Variants in NSD3 observed in about 807,000 individuals in gnomAD.
NSD3 encodes nuclear receptor binding SET domain protein 3.
In NSD3, 24 loss-of-function variants were observed where a neutral mutation model predicts 160.8. The ratio of observed to expected loss-of-function variants is 0.15; its 90% CI spans 0.11 to 0.21. NSD3 has a LOEUF of 0.21. Among genes scored for constraint, NSD3 ranks in the 10% least tolerant of loss-of-function variants. The pLI, the probability that NSD3 is intolerant of heterozygous loss-of-function variation, is 1.00. For missense variants in NSD3, 1,157 were observed against 1,735.9 expected, an observed-to-expected ratio of 0.67 and a Z score of 5.93; for synonymous variants, 520 against 600.0, an observed-to-expected ratio of 0.87 and a Z score of 1.95.
Position 38,275,374 on chromosome 8 carries a change from T to A in NSD3, c.*267A>T. The A allele has an allele frequency of 2.7e-6, 1 of 363,902 alleles. No homozygotes were observed. Among genetic ancestry groups the A allele is most frequent in the Non-Finnish European group, 5.0e-6 (1 of 201,908 alleles). 22.5% of individuals were successfully genotyped at this position (363,902 alleles called of 1,614,324 possible). A position where few individuals can be genotyped will look rare whatever the true frequency, so the allele number is the denominator to read the frequency against. On this transcript the variant is annotated 3_prime_UTR_variant, in exon 24 of 24. Coordinates refer to ENST00000317025, the MANE Select transcript of NSD3 (RefSeq NM_023034.2). ...ATTTTAACAGCAAAAACATTTCTTT[T>A]TCAAGCTGCAATGGCACTGAAGCAC... is the stretch of plus-strand genomic sequence containing the variant.
intron 14 of NSD3, chr8:38,299,791 C>T (rs1415673397): frequency 2.5e-6 from 1 of 406,486 alleles, no homozygotes; most frequent in African/African-American, 2.1e-5. Flanking sequence ...AATTCCTTAT[C>T]CCTATATATT....
At chr8:38,353,819 TAGA>T (rs1810758119) in intron 1 of NSD3, among the ~76,000 whole-genome samples, 1 of 152,168 alleles carries the variant, frequency 6.6e-6, no homozygotes, top group Admixed American at 6.5e-5. Flanking sequence ...GGTAACCACA[TAGA>T]ACACTTCAAA....
intron 1 of NSD3, among the ~76,000 whole-genome samples, chr8:38,362,635 T>G (rs1326222461): frequency 6.6e-6 from 1 of 152,202 alleles, no homozygotes; most frequent in African/African-American, 2.4e-5. Flanking sequence ...CAAGAAACTT[T>G]AAACATTTAC....
At chr8:38,336,572 A>G (rs1411896464) in intron 4 of NSD3, among the ~76,000 whole-genome samples, 1 of 152,178 alleles carries the variant, frequency 6.6e-6, no homozygotes, top group East Asian at 1.9e-4. Flanking sequence ...CTGGGTAAAA[A>G]ATTACTATCC....
intron 2 of NSD3, among the ~76,000 whole-genome samples, chr8:38,346,547 TAGG>T (rs1810541380): frequency 6.6e-6 from 1 of 151,722 alleles, no homozygotes; most frequent in Non-Finnish European, 1.5e-5. Flanking sequence ...TAGCACACAG[TAGG>T]AGGAGCATTT....
rs1274642022 is a variant in NSD3 at position 38,272,758 on chromosome 8, A to C, written c.*2883T>G. 1 of 152,248 alleles carries C rather than the reference A, an allele frequency of 6.6e-6. No homozygotes were observed. Among genetic ancestry groups the C allele is most frequent in the Non-Finnish European group, 1.5e-5 (1 of 68,056 alleles). The allele number at this position is 152,248 out of a possible 1,614,324, so 9.4% of individuals were successfully genotyped here. The stretch of plus-strand genomic sequence containing the variant: ...CCACTTACACTCTGACCACATATAG[A>C]TTTAAAAGTTAACAAATACCAACTT... On this transcript the variant is annotated 3_prime_UTR_variant, in exon 24 of 24. Transcript: ENST00000317025.
rs1808915640 is a variant in NSD3, at chr8:38,288,387, A to T, written c.3501+100T>A. On this transcript the variant is annotated intron_variant, in intron 19 of 23. Transcript: ENST00000317025. This position sits in a 1 kb window ranked among gnomAD's most constrained non-coding sequence, Gnocchi z 4.5. ...ATGGAAAGTTTTAACATTTTACCAC[A>T]AATTCCTGCTGATTTTATCCCTAGA... The T allele has an allele frequency of 6.8e-7, 1 of 1,480,890 alleles. No homozygotes were observed. The highest frequency in any genetic ancestry group is 1.4e-5 in the African/African-American group (1 of 71,082). 91.7% of individuals were successfully genotyped at this position (1,480,890 alleles called of 1,614,324 possible).
chr8:38,291,378 G>C (rs1808993949), intron 16 of NSD3, among the ~76,000 whole-genome samples: 1 of 152,152 alleles, frequency 6.6e-6, no homozygotes, highest in Non-Finnish European at 1.5e-5. Flanking sequence ...GAATGATGAA[G>C]CTAACAGTCA....
At position 38,289,415 on chromosome 8, in the gene NSD3, G is replaced by C. The variant is rs1156448757; in HGVS notation, c.3209C>G (p.Pro1070Arg). The C allele has an allele frequency of 1.2e-6, 2 of 1,613,214 alleles. No homozygotes were observed. The highest frequency in any genetic ancestry group is 1.7e-6 in the Non-Finnish European group (2 of 1,179,750). ...TACTTTGATGTGTTTGTAGGGAGGG[G>C]GTTTTCTTGAGTTTTTTTCAATCTC... is the stretch of plus-strand genomic sequence containing the variant. Reference protein sequence around the residue: ...ALEIEKNSRKPPPYKHIKANK... With the variant: ...ALEIEKNSRKRPPYKHIKANK... The change falls in exon 18 of 24, where the codon CCC becomes CGC. Residue 1070 changes from proline to arginine, a missense_variant. By Grantham distance (103) the Pro-to-Arg change is moderately radical. Coordinates refer to ENST00000317025, the MANE Select transcript of NSD3 (RefSeq NM_023034.2).
In NSD3 at chr8:38,289,521, T is replaced by A. The variant is rs763819153; in HGVS notation, c.3119-16A>T. 20 of 1,607,018 alleles carry A rather than the reference T, an allele frequency of 1.2e-5. No homozygotes were observed. The Middle Eastern group carries it at 5.0e-4, about 40-fold the overall frequency. Reference sequence around the variant, plus strand: ...TCTTCCAGTGCTGCCAATAAGATGATACAAAGTATGTAAATACCAAAAACC... The same window carrying A: ...TCTTCCAGTGCTGCCAATAAGATGAAACAAAGTATGTAAATACCAAAAACC... On this transcript the variant is annotated splice_polypyrimidine_tract_variant and intron_variant, in intron 17 of 23. Coordinates refer to ENST00000317025, the MANE Select transcript of NSD3 (RefSeq NM_023034.2).
intron 4 of NSD3, among the ~76,000 whole-genome samples, chr8:38,333,843 C>T (rs895302956): frequency 3.3e-5 from 5 of 151,860 alleles, no homozygotes; most frequent in South Asian, 2.1e-4. Context: ...GTCCGCAGTC[C>T]GGCCTGGGCG....
chr8:38,337,735 C>T (rs1330186498), intron 3 of NSD3, among the ~76,000 whole-genome samples: 1 of 151,738 alleles, frequency 6.6e-6, no homozygotes, highest in African/African-American at 2.4e-5. Context: ...ATATAAAGTA[C>T]ATTAAAAATG....
chr8:38,296,072 G>A, intron 15 of NSD3, 120 bp from the exon 16 acceptor site: 1 of 1,029,128 alleles, frequency 9.7e-7, no homozygotes, highest in Non-Finnish European at 1.4e-6. Flanking sequence ...AAATAACAAA[G>A]GGACTGAGTC....
chr8:38,279,478 A>T, intron 21 of NSD3, 62 bp downstream of exon 21: 18 of 1,575,674 alleles, frequency 1.1e-5, no homozygotes, highest in Non-Finnish European at 1.6e-5. Flanking sequence ...ACCATGTCCT[A>T]GCTCTATAGG....
intron 13 of NSD3, 29 bp from the exon 14 acceptor site, chr8:38,304,786 T>C: frequency 1.3e-6 from 2 of 1,574,104 alleles, no homozygotes; most frequent in South Asian, 2.3e-5. Flanking sequence ...AAAAGGAATC[T>C]AATAAGGCAT....
At chr8:38,380,207 A>G (rs1811501323) in intron 1 of NSD3, among the ~76,000 whole-genome samples, 1 of 152,228 alleles carries the variant, frequency 6.6e-6, no homozygotes. Context: ...AGAAAATACT[A>G]TTCTTAACAC....
chr8:38,299,016 T>C lies in NSD3; in HGVS notation c.2758+428A>G, dbSNP rs192252683. Reference sequence around the variant, plus strand: ...AAAAGCAAACTTTCAAGTATCAGTATCTTAGTTTCCCTCTTTTAATAACCT... The same window carrying C: ...AAAAGCAAACTTTCAAGTATCAGTACCTTAGTTTCCCTCTTTTAATAACCT... On this transcript the variant is annotated intron_variant, in intron 15 of 23. Transcript: ENST00000317025. Among the ~76,000 whole-genome samples, 14 of 152,362 alleles carry C rather than the reference T, an allele frequency of 9.2e-5. No individual in the cohort carries two copies. In the East Asian group the frequency reaches 2.7e-3, roughly 29 times the overall value.
intron 4 of NSD3, among the ~76,000 whole-genome samples, chr8:38,334,632 T>C (rs1448048992): frequency 1.3e-5 from 2 of 149,970 alleles, no homozygotes; most frequent in African/African-American, 4.9e-5. Context: ...TGGTGGTGGG[T>C]GCCTGTAATC....
chr8:38,288,692 T>C lies in NSD3; in HGVS notation c.3296A>G (p.Asn1099Ser). Reference protein sequence around the residue: ...VADLSEIPRCNCKPADENPCG... With the variant: ...VADLSEIPRCSCKPADENPCG... ...AGGGTTTTCATCAGCTGGCTTGCAG[T>C]TACAGCGGGGAATCTCTGACAGGTC... Residue 1099 changes from asparagine (N) to serine (S), a missense_variant, in exon 19 of 24, where the codon AAC becomes AGC. This residue lies in a region of NSD3 where 437 missense variants were observed against 576.6 expected (regional missense o/e 0.76). Coordinates refer to ENST00000317025, the MANE Select transcript of NSD3 (RefSeq NM_023034.2). This position sits in a 1 kb window ranked among gnomAD's most constrained non-coding sequence, Gnocchi z 4.5. The C allele has an allele frequency of 6.2e-7, 1 of 1,614,226 alleles. No homozygotes were observed. The highest frequency in any genetic ancestry group is 8.5e-7 in the Non-Finnish European group (1 of 1,180,036).
Sources: gnomAD v4.1 joint callset for allele counts (sites outside exome capture counted in the v4.1 genomes callset) on GRCh38, gnomAD v4.1.1 for gene constraint, gnomAD v4.1.1 regional missense constraint, Gnocchi (gnomAD v3.1) non-coding constraint, MANE v1.5 for transcripts, NCBI Gene and HGNC (gene_info 2026-07-23, HGNC 2026-07-21) for gene names.